SH3BP4: variants seen among roughly 807,000 people sequenced by gnomAD.
SH3BP4 encodes SH3 domain-binding protein 4.
A neutral mutation model predicts 65.5 loss-of-function variants in SH3BP4; 33 were observed. The ratio of observed to expected loss-of-function variants is 0.50; its 90% CI spans 0.38 to 0.67. The LOEUF (loss-of-function observed/expected upper bound fraction) is 0.67. Among genes scored for constraint, SH3BP4 ranks in the 30% least tolerant of loss-of-function variants. SH3BP4 has a pLI of 0.00. For missense variants in SH3BP4, 1,134 were observed against 1,261.4 expected (o/e 0.90, Z 1.53); for synonymous variants, 552 against 545.5 (o/e 1.01, Z -0.17).
rs777081596 is a variant in SH3BP4 at position 234,967,260 on chromosome 2, G to A, written c.-207+15090G>A. Among the ~76,000 whole-genome samples the A allele has an allele frequency of 1.3e-5, 2 of 152,174 alleles. No individual in the cohort carries two copies. Among genetic ancestry groups the A allele is most frequent in the Admixed American group, 6.5e-5 (1 of 15,276 alleles). ...TCCAGGGTGAACAAGGTGCTTAACC[G>A]GGACCAGACTGGGGAGCAGGATGGG... is the stretch of plus-strand genomic sequence containing the variant. On this transcript the variant is annotated intron_variant, in intron 1 of 5. Transcript: ENST00000392011. This position sits in a 1 kb window ranked among gnomAD's most constrained non-coding sequence, Gnocchi z 4.6.
In SH3BP4 at chr2:235,035,352, T is replaced by C. The variant is rs1462538782; in HGVS notation, c.118+232T>C. Reference sequence around the variant, plus strand: ...CCTTCTTAATACAGGGTATGTTTCTTTTTACTTGATAAAATTCGGTGACAG... The same window carrying C: ...CCTTCTTAATACAGGGTATGTTTCTCTTTACTTGATAAAATTCGGTGACAG... On this transcript the variant is annotated intron_variant, in intron 3 of 5. Coordinates refer to ENST00000392011, the MANE Select transcript of SH3BP4 (RefSeq NM_014521.3). This position sits in a 1 kb window ranked among gnomAD's most constrained non-coding sequence, Gnocchi z 5.0. Among the ~76,000 whole-genome samples the C allele has an allele frequency of 1.3e-5, 2 of 152,214 alleles. No homozygotes were observed. The highest frequency in any genetic ancestry group is 4.8e-5 in the African/African-American group (2 of 41,450).
chr2:235,003,094 G>T (rs541853996), intron 2 of SH3BP4, among the ~76,000 whole-genome samples: 17 of 152,264 alleles, frequency 1.1e-4, no homozygotes, highest in Admixed American at 7.2e-4. Context: ...TGGATGCTAC[G>T]TTTCTTTAGA....
intron 2 of SH3BP4, among the ~76,000 whole-genome samples, chr2:235,021,795 C>T (rs543039826): frequency 1.3e-5 from 2 of 152,162 alleles, no homozygotes; most frequent in African/African-American, 4.8e-5. Flanking sequence ...TATAGGCAAA[C>T]TAATGACACA....
chr2:235,034,547 CTT>C lies in SH3BP4; in HGVS notation c.-132-322_-132-321del, dbSNP rs1367644801. The stretch of plus-strand genomic sequence containing the variant: ...CTGTACAGTCCTGCGCTGTCCTCCT[CTT>C]TGACTGTAATGAATGGACTGGCCAG... On this transcript the variant is annotated intron_variant, in intron 2 of 5. Transcript: ENST00000392011. The surrounding 1 kb of genome is among the most constrained non-coding windows in gnomAD (Gnocchi z 6.2). 1.3e-5 allele frequency among the ~76,000 whole-genome samples: 2 copies of C among 152,246 alleles called. No homozygotes were observed. Among genetic ancestry groups the C allele is most frequent in the African/African-American group, 4.8e-5 (2 of 41,460 alleles).
At position 235,035,342 on chromosome 2, in the gene SH3BP4, G is replaced by T. The variant is rs1047780311; in HGVS notation, c.118+222G>T. On this transcript the variant is annotated intron_variant, in intron 3 of 5. Transcript: ENST00000392011. The surrounding 1 kb of genome is among the most constrained non-coding windows in gnomAD (Gnocchi z 5.0). ...TAGTGAAACCCCTTCTTAATACAGG[G>T]TATGTTTCTTTTTACTTGATAAAAT... 1.3e-5 allele frequency among the ~76,000 whole-genome samples: 2 copies of T among 152,112 alleles called. No individual in the cohort carries two copies. Among genetic ancestry groups the T allele is most frequent in the African/African-American group, 2.4e-5 (1 of 41,416 alleles).
intron 1 of SH3BP4, among the ~76,000 whole-genome samples, chr2:234,988,468 G>A (rs1338329936): frequency 6.6e-6 from 1 of 152,208 alleles, no homozygotes; most frequent in East Asian, 1.9e-4. Flanking sequence ...AGTTTATGTA[G>A]TAATTAAATA....
chr2:235,032,828 C>T (rs1483157009), intron 2 of SH3BP4, among the ~76,000 whole-genome samples: 4 of 152,098 alleles, frequency 2.6e-5, no homozygotes, highest in African/African-American at 4.8e-5. Context: ...CAGGGAGTCT[C>T]GGTCCAGGGC....
chr2:235,027,415 C>T (rs750522331), intron 2 of SH3BP4, among the ~76,000 whole-genome samples: 4 of 149,114 alleles, frequency 2.7e-5, no homozygotes, highest in East Asian at 2.1e-4. Flanking sequence ...GGTGTCAGGC[C>T]GTCAGTAACA....
At chr2:234,954,802 G>A (rs564432678) in intron 1 of SH3BP4, among the ~76,000 whole-genome samples, 55 of 152,172 alleles carry the variant, frequency 3.6e-4, no homozygotes, top group African/African-American at 1.3e-3. Flanking sequence ...CCCTGAAATT[G>A]CGTGGGAGGT....
intron 2 of SH3BP4, among the ~76,000 whole-genome samples, chr2:235,002,578 T>C (rs1214413180): frequency 6.6e-6 from 1 of 152,110 alleles, no homozygotes; most frequent in Non-Finnish European, 1.5e-5. Flanking sequence ...ATACAAAAAA[T>C]TAGCCAGTCG....
chr2:235,025,141 G>C (rs1694959372), intron 2 of SH3BP4, among the ~76,000 whole-genome samples: 1 of 152,162 alleles, frequency 6.6e-6, no homozygotes, highest in Non-Finnish European at 1.5e-5. Context: ...GGGGCTGACA[G>C]CAGCCCATTG....
chr2:235,000,730 C>G lies in SH3BP4; in HGVS notation c.-133+5354C>G, dbSNP rs146394126. Among the ~76,000 whole-genome samples, 196 of 152,344 alleles carry G rather than the reference C, an allele frequency of 1.3e-3. 1 individual carries two copies. The highest frequency in any genetic ancestry group is 4.6e-3 in the African/African-American group (192 of 41,578). ...CTTGAAAGATCACAGAGCCCAGCCT[C>G]GCATTTGGCAGAAGAGAAAGCAGAG... On this transcript the variant is annotated intron_variant, in intron 2 of 5. Transcript: ENST00000392011.
At chr2:235,036,911 T>A (rs969338112) in intron 3 of SH3BP4, among the ~76,000 whole-genome samples, 9 of 151,806 alleles carry the variant, frequency 5.9e-5, no homozygotes, top group African/African-American at 1.9e-4. Context: ...GACAGAACCA[T>A]GGGATCTCTG....
At chr2:234,996,141 C>T (rs943840749) in intron 2 of SH3BP4, 3 of 152,194 alleles carry the variant, frequency 2.0e-5, no homozygotes, top group Non-Finnish European at 4.4e-5. Flanking sequence ...ACATACAAGT[C>T]TTTCCCCACC....
intron 2 of SH3BP4, among the ~76,000 whole-genome samples, chr2:235,017,421 G>A (rs936441466): frequency 6.7e-6 from 1 of 149,694 alleles, no homozygotes; most frequent in Non-Finnish European, 1.5e-5. Flanking sequence ...ACTCCAACCT[G>A]GGCAACAGAG....
chr2:234,999,235 C>G (rs1574806663), intron 2 of SH3BP4, among the ~76,000 whole-genome samples: 1 of 152,212 alleles, frequency 6.6e-6, no homozygotes, highest in East Asian at 1.9e-4. Flanking sequence ...TCATAACTAG[C>G]CTGCCTTACA....
Position 234,952,425 on chromosome 2 carries a change from C to T in SH3BP4, c.-207+255C>T, listed in dbSNP as rs895195790. On this transcript the variant is annotated intron_variant, in intron 1 of 5. Coordinates refer to ENST00000392011, the MANE Select transcript of SH3BP4 (RefSeq NM_014521.3). This position sits in a 1 kb window ranked among gnomAD's most constrained non-coding sequence, Gnocchi z 6.5. ...TGGTGCTGGTGGGCAGGGACCCGGC[C>T]CGGGGTTCCGGGCGCCGAGCCGCAG... Among the ~76,000 whole-genome samples the T allele has an allele frequency of 6.6e-6, 1 of 151,036 alleles. No homozygotes were observed. The highest frequency in any genetic ancestry group is 2.4e-5 in the African/African-American group (1 of 41,266).
intron 1 of SH3BP4, among the ~76,000 whole-genome samples, chr2:234,983,956 A>T (rs1693467907): frequency 6.6e-6 from 1 of 152,210 alleles, no homozygotes; most frequent in Admixed American, 6.5e-5. Context: ...GTTTTAAGCC[A>T]CTAAGTTTGT....
At chr2:235,001,461 A>G (rs10929080) in intron 2 of SH3BP4, among the ~76,000 whole-genome samples, 76,578 of 152,088 alleles carry the variant, frequency 0.5, 20,858 homozygotes, top group East Asian at 0.77. Flanking sequence ...GCCAGAGTGC[A>G]CAGCTGAAAC....
Sources: allele counts gnomAD v4.1 joint callset (sites outside exome capture counted in the v4.1 genomes callset), GRCh38; gene constraint gnomAD v4.1.1; non-coding constraint Gnocchi (gnomAD v3.1); transcripts MANE v1.5; gene names NCBI Gene and HGNC (gene_info 2026-07-23, HGNC 2026-07-21).